Variants in PPARGC1A observed in about 807,000 individuals in gnomAD.
PPARGC1A encodes peroxisome proliferator-activated receptor gamma coactivator 1-alpha.
A neutral mutation model predicts 88.7 loss-of-function variants in PPARGC1A; 25 were observed. The observed-to-expected ratio is 0.28, with a 90% CI of 0.21 to 0.39. The LOEUF is 0.39. Among genes scored for constraint, PPARGC1A ranks in the 10% least tolerant of loss-of-function variants. The pLI, the probability that PPARGC1A is intolerant of heterozygous loss-of-function variation, is 1.00. For synonymous variants in PPARGC1A, 363 were observed against 355.6 expected (o/e 1.02, Z -0.24); for missense variants, 880 against 968.7 (o/e 0.91, Z 1.22).
upstream of PPARGC1A, among the ~76,000 whole-genome samples, chr4:23,906,183 C>G (rs972895566): frequency 6.6e-6 from 1 of 152,148 alleles, no homozygotes; most frequent in Non-Finnish European, 1.5e-5. Context: ...CTGAAGCACA[C>G]CCCCAAGGAG....
chr4:23,921,434 C>T, the PPARGC1A span, among the ~76,000 whole-genome samples: 1 of 152,218 alleles, frequency 6.6e-6, no homozygotes, highest in Non-Finnish European at 1.5e-5. Context: ...CTCCAGTTCT[C>T]GGCCTGAGCC....
the PPARGC1A span, among the ~76,000 whole-genome samples, chr4:23,971,597 G>T: frequency 1.3e-5 from 2 of 152,166 alleles, no homozygotes; most frequent in Non-Finnish European, 2.9e-5. Flanking sequence ...AAAGATGTAG[G>T]CTGGGCGGCT....
chr4:23,804,591 A>T (rs1719422776), intron 10 of PPARGC1A, among the ~76,000 whole-genome samples: 1 of 152,196 alleles, frequency 6.6e-6, no homozygotes, highest in South Asian at 2.1e-4. Flanking sequence ...ATAACTTTTA[A>T]TGAAAGACCT....
chr4:24,125,868 C>T, the PPARGC1A span, among the ~76,000 whole-genome samples: 3 of 152,170 alleles, frequency 2.0e-5, no homozygotes, highest in African/African-American at 7.2e-5. Context: ...AGAGGAGTCT[C>T]GCAGGGCTCC....
the PPARGC1A span, among the ~76,000 whole-genome samples, chr4:24,471,495 A>G: frequency 6.6e-6 from 1 of 152,094 alleles, no homozygotes; most frequent in African/African-American, 2.4e-5. The surrounding 1 kb of genome is among the most constrained non-coding windows in gnomAD (Gnocchi z 5.4). Flanking sequence ...TATTTAATTA[A>G]AAGGCATTTT....
chr4:24,119,187 G>T, the PPARGC1A span, among the ~76,000 whole-genome samples: 1 of 152,148 alleles, frequency 6.6e-6, no homozygotes, highest in Non-Finnish European at 1.5e-5. Flanking sequence ...TCAAAATGAA[G>T]ATGAGACAGG....
chr4:24,368,570 T>G, the PPARGC1A span, among the ~76,000 whole-genome samples: 1 of 152,128 alleles, frequency 6.6e-6, no homozygotes, highest in African/African-American at 2.4e-5. Context: ...ACTTCAAAAT[T>G]TTAGGGTACA....
the PPARGC1A span, among the ~76,000 whole-genome samples, chr4:24,181,939 G>A: frequency 6.6e-6 from 1 of 151,700 alleles, no homozygotes; most frequent in East Asian, 1.9e-4. Context: ...TCCTTCTGAG[G>A]AAACAAGATC....
rs536400796 is a variant in PPARGC1A, at chr4:23,794,791, C to T, written c.*1031G>A. ...TAGCAATTACACTATCTGAACACAT[C>T]TCAGAGAGTTCTACCCAACTCTCAT... is the stretch of plus-strand genomic sequence containing the variant. On this transcript the variant is annotated 3_prime_UTR_variant, in exon 13 of 13. Coordinates refer to ENST00000264867, the MANE Select transcript of PPARGC1A (RefSeq NM_013261.5). The T allele has an allele frequency of 5.9e-5, 9 of 152,598 alleles. No homozygotes were observed. The highest frequency in any genetic ancestry group is 1.9e-4 in the African/African-American group (8 of 41,528). The allele number at this position is 152,598 out of a possible 1,614,324, so 9.5% of individuals were successfully genotyped here. A position where few individuals can be genotyped will look rare whatever the true frequency, so the allele number is the denominator to read the frequency against.
chr4:24,028,508 C>G, the PPARGC1A span, among the ~76,000 whole-genome samples: 4 of 152,134 alleles, frequency 2.6e-5, no homozygotes, highest in East Asian at 7.7e-4. Context: ...TACTAAATGA[C>G]AGAGAAAAGA....
the PPARGC1A span, among the ~76,000 whole-genome samples, chr4:24,115,178 A>C: frequency 6.6e-5 from 10 of 152,322 alleles, no homozygotes; most frequent in Admixed American, 6.5e-4. Context: ...TGTTGCATGG[A>C]AAACTAACAG....
the PPARGC1A span, among the ~76,000 whole-genome samples, chr4:24,375,771 G>A: frequency 2.0e-5 from 3 of 152,130 alleles, no homozygotes; most frequent in Non-Finnish European, 4.4e-5. Context: ...GGCTCACAGG[G>A]ATGCTTTCTC....
chr4:23,862,920 G>A (rs890676959), intron 2 of PPARGC1A, among the ~76,000 whole-genome samples: 2 of 152,132 alleles, frequency 1.3e-5, no homozygotes, highest in Non-Finnish European at 2.9e-5. Context: ...TATTGTTCAT[G>A]GACTTCCTTC....
At position 23,890,010 on chromosome 4, in the gene PPARGC1A, A is replaced by T. The variant is rs1031708339; in HGVS notation, c.-53T>A. On this transcript the variant is annotated 5_prime_UTR_variant, in exon 1 of 13. Coordinates refer to ENST00000264867, the MANE Select transcript of PPARGC1A (RefSeq NM_013261.5). ...TTTTTCAACTCCAATCCACAGTGACACAGAGCACACACTCATGCAGGCAAC... is the reference window on the plus strand; with the variant it reads ...TTTTTCAACTCCAATCCACAGTGACTCAGAGCACACACTCATGCAGGCAAC... The T allele has an allele frequency of 6.2e-7, 1 of 1,610,986 alleles. No individual in the cohort carries two copies.
chr4:23,906,838 T>C (rs756793731), upstream of PPARGC1A, among the ~76,000 whole-genome samples: 1 of 152,154 alleles, frequency 6.6e-6, no homozygotes, highest in Admixed American at 6.5e-5. Context: ...AAACTCACTG[T>C]GGTGCCAGCC....
At chr4:24,289,219 CAA>C in the PPARGC1A span, among the ~76,000 whole-genome samples, 2,139 of 82,134 alleles carry the variant, frequency 0.026, 24 homozygotes, top group African/African-American at 0.082. Context: ...GACTCCGTCT[CAA>C]AAAAAAAAAA....
At chr4:24,025,755 G>C in the PPARGC1A span, among the ~76,000 whole-genome samples, 1 of 152,102 alleles carries the variant, frequency 6.6e-6, no homozygotes, top group Non-Finnish European at 1.5e-5. Flanking sequence ...ATAAATACAC[G>C]TAATGTTCAG....
chr4:24,245,837 CATAA>C, the PPARGC1A span, among the ~76,000 whole-genome samples: 2 of 150,948 alleles, frequency 1.3e-5, no homozygotes, highest in African/African-American at 4.9e-5. Context: ...GATACTTTGA[CATAA>C]ATAGTGCTTA....
At chr4:24,359,710 G>A in the PPARGC1A span, among the ~76,000 whole-genome samples, 4 of 152,128 alleles carry the variant, frequency 2.6e-5, no homozygotes, top group African/African-American at 9.7e-5. Context: ...GACACAGGGA[G>A]AACACCAAGT....
Sources: allele counts gnomAD v4.1 joint callset (sites outside exome capture counted in the v4.1 genomes callset), GRCh38; gene constraint gnomAD v4.1.1; non-coding constraint Gnocchi (gnomAD v3.1); transcripts MANE v1.5; gene names NCBI Gene and HGNC (gene_info 2026-07-23, HGNC 2026-07-21).